Variants in NEBL observed in about 807,000 individuals in gnomAD.
NEBL encodes the protein LIM and SH3 protein 2.
In NEBL, 122 loss-of-function variants were observed where a neutral mutation model predicts 140.2. The ratio of observed to expected loss-of-function variants is 0.87; its 90% confidence interval spans 0.75 to 1.01. The LOEUF is 1.01. NEBL is among the 50% of genes least tolerant of loss of function. The probability of loss-of-function intolerance (pLI) is 0.00; values close to 1 mark genes in which losing one functional copy is unlikely to be tolerated. For missense variants in NEBL, 1,365 were observed against 1,231.3 expected, an observed-to-expected ratio of 1.11 and a Z score of -1.62; for synonymous variants, 436 against 398.9, an observed-to-expected ratio of 1.09 and a Z score of -1.11.
At chr10:21,229,402 C>T (rs6482168) in intron 3 of NEBL, among the ~76,000 whole-genome samples, 55,764 of 151,946 alleles carry the variant, frequency 0.37, 12,876 homozygotes, top group African/African-American at 0.66. Flanking sequence ...ACCTGGGTAA[C>T]AGAGGGGGAC....
At chr10:20,891,725 A>G (rs947106563) in intron 2 of NEBL, among the ~76,000 whole-genome samples, 1 of 152,166 alleles carries the variant, frequency 6.6e-6, no homozygotes, top group African/African-American at 2.4e-5. Context: ...ACATATTTGT[A>G]TATTTTAAAT....
At chr10:21,037,484 A>T (rs912438911) in intron 2 of NEBL, among the ~76,000 whole-genome samples, 13 of 152,190 alleles carry the variant, frequency 8.5e-5, no homozygotes, top group Non-Finnish European at 4.4e-5. Flanking sequence ...CCATTAAAAA[A>T]TTTAAAAATA....
intron 2 of NEBL, among the ~76,000 whole-genome samples, chr10:21,116,113 T>C (rs1428690676): frequency 1.3e-5 from 2 of 152,114 alleles, no homozygotes; most frequent in Non-Finnish European, 2.9e-5. Flanking sequence ...CTCTTTTTTT[T>C]TCCTCTACAT....
At chr10:20,877,522 G>A (rs1026749230) in intron 5 of NEBL, among the ~76,000 whole-genome samples, 1 of 152,108 alleles carries the variant, frequency 6.6e-6, no homozygotes, top group African/African-American at 2.4e-5. Context: ...CTGTAAAATC[G>A]AGCTGCAGAC....
At chr10:20,813,656 T>G in intron 23 of NEBL, 1 of 333,824 alleles carries the variant, frequency 3.0e-6, no homozygotes, top group Non-Finnish European at 5.6e-6. Context: ...GTCTTAGAAT[T>G]AATTGGAAAG....
At chr10:20,899,516 T>A (rs1847755372), upstream of NEBL, 1 of 897,124 alleles carries the variant, frequency 1.1e-6, no homozygotes, top group Non-Finnish European at 1.5e-6. Context: ...AAACACCACG[T>A]GCAATGTGAA....
intron 4 of NEBL, among the ~76,000 whole-genome samples, chr10:20,930,150 A>G (rs748099687): frequency 3.3e-5 from 5 of 152,112 alleles, no homozygotes; most frequent in Non-Finnish European, 5.9e-5. Context: ...TCCACATCCA[A>G]CCAAAATGTG....
At chr10:20,801,173 A>C (rs991583267) in intron 26 of NEBL, among the ~76,000 whole-genome samples, 4 of 150,228 alleles carry the variant, frequency 2.7e-5, no homozygotes, top group African/African-American at 7.3e-5. Flanking sequence ...CTACTTGGCT[A>C]TCTCTCTCTC....
intron 3 of NEBL, among the ~76,000 whole-genome samples, chr10:20,965,295 C>T (rs982544006): frequency 2.6e-5 from 4 of 152,104 alleles, no homozygotes; most frequent in Non-Finnish European, 5.9e-5. Context: ...TAGTGGGAAG[C>T]GCTAAGAGAG....
At chr10:20,800,724 AAT>A (rs1041405838) in intron 26 of NEBL, among the ~76,000 whole-genome samples, 2 of 152,268 alleles carry the variant, frequency 1.3e-5, no homozygotes, top group African/African-American at 4.8e-5. Context: ...TGAAAAAAAA[AAT>A]CTACCAATAC....
At chr10:21,116,496 G>T (rs748176097) in intron 2 of NEBL, among the ~76,000 whole-genome samples, 1 of 152,086 alleles carries the variant, frequency 6.6e-6, no homozygotes, top group Non-Finnish European at 1.5e-5. Flanking sequence ...CACATTAAGA[G>T]TTAGGACTTC....
At chr10:21,183,273 G>GGGAGGAAGATGGGGAA (rs1841413717) in intron 3 of NEBL, among the ~76,000 whole-genome samples, 1 of 152,196 alleles carries the variant, frequency 6.6e-6, no homozygotes, top group Non-Finnish European at 1.5e-5. Flanking sequence ...AGGGCAGAGA[G>GGGAGGAAGATGGGGAA]GGAGGAAGAT....
At chr10:20,966,385 A>G (rs1836317388) in intron 3 of NEBL, among the ~76,000 whole-genome samples, 1 of 152,250 alleles carries the variant, frequency 6.6e-6, no homozygotes, top group Non-Finnish European at 1.5e-5. Context: ...AGAAAATAAA[A>G]CAAGAAAATA....
chr10:20,912,761 C>T (rs551575629), intron 4 of NEBL, among the ~76,000 whole-genome samples: 12 of 152,172 alleles, frequency 7.9e-5, no homozygotes, highest in East Asian at 7.7e-4. Context: ...GAATTATATA[C>T]GCAGTTGTTG....
intron 2 of NEBL, among the ~76,000 whole-genome samples, chr10:20,896,190 G>A (rs913195330): frequency 2.8e-4 from 42 of 151,970 alleles, no homozygotes; most frequent in African/African-American, 9.7e-4. Flanking sequence ...CCTTTCTCTG[G>A]ACCAGCAATC....
At chr10:20,786,813 A>C (rs1835453535) in intron 27 of NEBL, among the ~76,000 whole-genome samples, 1 of 152,190 alleles carries the variant, frequency 6.6e-6, no homozygotes, top group African/African-American at 2.4e-5. Context: ...TTGAAGATAT[A>C]TTTTGGCCAC....
intron 2 of NEBL, among the ~76,000 whole-genome samples, chr10:21,123,508 G>A (rs1015674956): frequency 2.6e-5 from 4 of 152,052 alleles, no homozygotes; most frequent in African/African-American, 9.7e-5. Context: ...AGAGCCCTGA[G>A]CTCAAGTCGT....
intron 1 of NEBL, among the ~76,000 whole-genome samples, chr10:21,291,311 G>T (rs553039470): frequency 6.6e-6 from 1 of 151,470 alleles, no homozygotes; most frequent in African/African-American, 2.4e-5. Context: ...TTCAAGACCA[G>T]CCTGGCCAAC....
At chr10:21,128,109 C>A (rs1838922593) in intron 2 of NEBL, among the ~76,000 whole-genome samples, 1 of 152,136 alleles carries the variant, frequency 6.6e-6, no homozygotes. Flanking sequence ...TGGTACCCAG[C>A]ACACATTCAT....
Sources: allele counts gnomAD v4.1 joint callset (sites outside exome capture counted in the v4.1 genomes callset), GRCh38; gene constraint gnomAD v4.1.1; transcripts MANE v1.5; gene names NCBI Gene and HGNC (gene_info 2026-07-23, HGNC 2026-07-21).